Variants in VPS37A observed in about 807,000 individuals in gnomAD.
VPS37A encodes the protein VPS37A subunit of ESCRT-I.
In VPS37A, 30 loss-of-function variants were observed where a neutral mutation model predicts 49.8. That is an observed-to-expected ratio of 0.60 (90% CI 0.45 to 0.82). The LOEUF (loss-of-function observed/expected upper bound fraction) is 0.82. Among genes scored for constraint, VPS37A ranks in the 40% least tolerant of loss-of-function variants. VPS37A has a pLI of 0.00. For missense variants in VPS37A, 593 were observed against 464.4 expected (o/e 1.28, Z -2.55); for synonymous variants, 195 against 160.6 (o/e 1.21, Z -1.62).
intron 1 of VPS37A, among the ~76,000 whole-genome samples, chr8:17,255,886 G>A (rs574571090): frequency 1.3e-5 from 2 of 152,046 alleles, no homozygotes; most frequent in African/African-American, 4.8e-5. Context: ...TTTTTATGGT[G>A]GGATAATATT....
chr8:17,255,548 A>C (rs989536157), intron 1 of VPS37A, among the ~76,000 whole-genome samples: 7 of 152,160 alleles, frequency 4.6e-5, no homozygotes, highest in African/African-American at 1.7e-4. Flanking sequence ...ACTAAGTGAT[A>C]AATTATTGTT....
intron 4 of VPS37A, among the ~76,000 whole-genome samples, chr8:17,271,332 G>A (rs538868717): frequency 8.5e-5 from 13 of 152,234 alleles, no homozygotes; most frequent in African/African-American, 2.2e-4. Flanking sequence ...TTGGCTGGGC[G>A]CGGTGGCTCA....
chr8:17,277,607 A>C (rs1440852045), intron 6 of VPS37A, among the ~76,000 whole-genome samples: 2 of 152,016 alleles, frequency 1.3e-5, no homozygotes, highest in African/African-American at 4.8e-5. Flanking sequence ...TCAATTCTTC[A>C]GTAAATTTTT....
intron 1 of VPS37A, among the ~76,000 whole-genome samples, chr8:17,255,674 T>C (rs114511273): frequency 0.021 from 3,203 of 152,282 alleles, 104 homozygotes; most frequent in African/African-American, 0.073. Flanking sequence ...CAACTGTATA[T>C]TTAAACTCAC....
the VPS37A span, chr8:17,311,513 T>G: frequency 6.2e-7 from 1 of 1,614,116 alleles, no homozygotes; most frequent in East Asian, 2.2e-5. Context: ...ACACTCACCA[T>G]GAAGCCCTTC....
At chr8:17,285,856 T>G (rs1815538779) in intron 10 of VPS37A, among the ~76,000 whole-genome samples, 1 of 152,218 alleles carries the variant, frequency 6.6e-6, no homozygotes. Context: ...AGGATCAGTG[T>G]TTTTTACATT....
At chr8:17,267,431 G>A (rs1166931654) in intron 2 of VPS37A, among the ~76,000 whole-genome samples, 1 of 151,390 alleles carries the variant, frequency 6.6e-6, no homozygotes, top group African/African-American at 2.4e-5. Context: ...ACTAATCTTG[G>A]TTTTGTAGTA....
At chr8:17,312,312 CG>C in the VPS37A span, among the ~76,000 whole-genome samples, 1 of 152,098 alleles carries the variant, frequency 6.6e-6, no homozygotes, top group Non-Finnish European at 1.5e-5. Context: ...CAGTGGCTCA[CG>C]CATGTAATCC....
the VPS37A span, among the ~76,000 whole-genome samples, chr8:17,322,942 T>A: frequency 0.26 from 37,408 of 145,194 alleles, 5,778 homozygotes; most frequent in East Asian, 0.42. Flanking sequence ...TAGAGTGGAT[T>A]GAATTATCTT....
chr8:17,253,070 C>G (rs1812121624), intron 1 of VPS37A, among the ~76,000 whole-genome samples: 1 of 152,156 alleles, frequency 6.6e-6, no homozygotes, highest in Non-Finnish European at 1.5e-5. Flanking sequence ...TCATACAGCT[C>G]AAGTGCTCAG....
At chr8:17,285,197 A>G (rs913933393) in intron 10 of VPS37A, among the ~76,000 whole-genome samples, 2 of 152,166 alleles carry the variant, frequency 1.3e-5, no homozygotes, top group African/African-American at 4.8e-5. Context: ...GCATCTTCCT[A>G]TCACTTTAGA....
chr8:17,267,118 T>C (rs781331427), intron 2 of VPS37A, among the ~76,000 whole-genome samples: 19 of 152,156 alleles, frequency 1.2e-4, no homozygotes, highest in Non-Finnish European at 2.4e-4. Context: ...ACACGGTTAG[T>C]AAGTAGCATA....
chr8:17,265,677 C>T lies in VPS37A; in HGVS notation c.126-230C>T, dbSNP rs138210712. The stretch of plus-strand genomic sequence containing the variant: ...TGAAGAGTTTTTTCTTGCCTCTTTA[C>T]ATCATCATCCCCCTTCCCCTGGATA... On this transcript the variant is annotated intron_variant, in intron 1 of 11. Coordinates refer to ENST00000324849, the MANE Select transcript of VPS37A (RefSeq NM_152415.3). The T allele has an allele frequency of 8.5e-6, 10 of 1,173,410 alleles. No individual in the cohort carries two copies. In the African/African-American group the frequency reaches 1.4e-4, roughly 16 times the overall value. 72.7% of individuals were successfully genotyped at this position (1,173,410 alleles called of 1,614,324 possible).
intron 4 of VPS37A, 28 bp from the exon 5 acceptor site, chr8:17,274,705 T>C: frequency 1.9e-6 from 3 of 1,558,978 alleles, no homozygotes; most frequent in Non-Finnish European, 2.6e-6. Context: ...TAAAATCTAA[T>C]GTAATGATCT....
At chr8:17,256,710 T>C (rs1812500949) in intron 1 of VPS37A, among the ~76,000 whole-genome samples, 1 of 151,838 alleles carries the variant, frequency 6.6e-6, no homozygotes, top group South Asian at 2.1e-4. Context: ...TGGAGTGCAA[T>C]GGCACTGTCT....
chr8:17,324,616 T>C, the VPS37A span, among the ~76,000 whole-genome samples: 27 of 152,244 alleles, frequency 1.8e-4, no homozygotes, highest in Admixed American at 3.3e-4. Context: ...ACTTGATCCA[T>C]TTCCTTCTTC....
intron 2 of VPS37A, 107 bp downstream of exon 2, chr8:17,266,088 C>A: frequency 1.1e-6 from 1 of 942,206 alleles, no homozygotes; most frequent in African/African-American, 1.7e-5. Flanking sequence ...TTTCAAGTAA[C>A]TATAATTTAT....
intron 11 of VPS37A, among the ~76,000 whole-genome samples, chr8:17,293,739 G>T (rs1816357375): frequency 6.6e-6 from 1 of 152,138 alleles, no homozygotes; most frequent in Non-Finnish European, 1.5e-5. Flanking sequence ...GTTTGCTGGG[G>T]GTCTACTCCA....
At chr8:17,319,639 TCAAA>T in the VPS37A span, among the ~76,000 whole-genome samples, 16 of 152,334 alleles carry the variant, frequency 1.1e-4, no homozygotes, top group African/African-American at 2.2e-4. Flanking sequence ...TTTTCAATCC[TCAAA>T]CAATCATTCT....
Sources: allele counts gnomAD v4.1 joint callset (sites outside exome capture counted in the v4.1 genomes callset), GRCh38; gene constraint gnomAD v4.1.1; transcripts MANE v1.5; gene names NCBI Gene and HGNC (gene_info 2026-07-23, HGNC 2026-07-21).